PCDHGA3: variants seen among roughly 807,000 people sequenced by gnomAD.
PCDHGA3 encodes the protein protocadherin gamma subfamily A, 3.
Under a neutral mutation model 58.5 loss-of-function variants are expected in PCDHGA3, and 40 were observed. That is an observed-to-expected ratio of 0.68 (90% CI 0.53 to 0.89). The LOEUF is 0.89. PCDHGA3 is among the 40% of genes least tolerant of loss of function. PCDHGA3 has a pLI of 0.00. For synonymous variants in PCDHGA3, 530 were observed against 525.7 expected, an observed-to-expected ratio of 1.01 and a Z score of -0.11; for missense variants, 1,223 against 1,195.9, an observed-to-expected ratio of 1.02 and a Z score of -0.33.
intron 2 of PCDHGA3, among the ~76,000 whole-genome samples, chr5:141,503,203 A>G (rs10477147): frequency 0.037 from 5,590 of 152,130 alleles, 132 homozygotes; most frequent in South Asian, 0.073. Flanking sequence ...TCAGCCTCTC[A>G]GTGCCCACCA....
At chr5:141,424,357 G>A (rs1171882619) in intron 1 of PCDHGA3, 1 of 152,122 alleles carries the variant, frequency 6.6e-6, no homozygotes, top group Non-Finnish European at 1.5e-5. Context: ...ATAAAATTTA[G>A]ATCACATTTT....
intron 1 of PCDHGA3, chr5:141,424,187 A>C (rs2096804354): frequency 5.3e-6 from 1 of 188,948 alleles, no homozygotes; most frequent in African/African-American, 2.4e-5. Context: ...ACATGCACAC[A>C]CACTTATACA....
intron 1 of PCDHGA3, among the ~76,000 whole-genome samples, chr5:141,455,650 C>T (rs1176718096): frequency 2.6e-5 from 4 of 151,994 alleles, no homozygotes; most frequent in African/African-American, 9.7e-5. Flanking sequence ...AGCCATGTGG[C>T]CAGGAACTTG....
chr5:141,436,555 G>A (rs562422182), intron 1 of PCDHGA3, among the ~76,000 whole-genome samples: 1 of 152,252 alleles, frequency 6.6e-6, no homozygotes, highest in South Asian at 2.1e-4. Flanking sequence ...TTGAGCTTCA[G>A]CAAAGTAGGA....
chr5:141,478,415 C>G (rs182700706), intron 1 of PCDHGA3: 5 of 1,613,648 alleles, frequency 3.1e-6, no homozygotes, highest in Non-Finnish European at 4.2e-6. Context: ...CACGGACTCC[C>G]GCCGCAGCGA....
intron 1 of PCDHGA3, among the ~76,000 whole-genome samples, chr5:141,457,465 A>G (rs915755113): frequency 1.3e-5 from 2 of 152,194 alleles, no homozygotes; most frequent in African/African-American, 2.4e-5. Context: ...GATTCACAGG[A>G]ATAAGCAGGG....
chr5:141,431,320 C>T lies in PCDHGA3; in HGVS notation c.2425-63487C>T. On this transcript the variant is annotated intron_variant, in intron 1 of 3. Coordinates refer to ENST00000253812, the MANE Select transcript of PCDHGA3 (RefSeq NM_018916.4). The surrounding 1 kb of genome is among the most constrained non-coding windows in gnomAD (Gnocchi z 4.8). ...CCCTCATCGTGCAAAATGGAGCCGA[C>T]GGTAGTAAGTACCCCGAATTGGTGC... is the stretch of plus-strand genomic sequence containing the variant. 1 of 1,614,102 alleles carries T rather than the reference C, an allele frequency of 6.2e-7. No homozygotes were observed. Among genetic ancestry groups the T allele is most frequent in the Non-Finnish European group, 8.5e-7 (1 of 1,180,038 alleles).
chr5:141,507,206 G>A (rs1392293998), intron 3 of PCDHGA3: 2 of 152,376 alleles, frequency 1.3e-5, no homozygotes, highest in African/African-American at 4.8e-5. Flanking sequence ...CCAGATCAGG[G>A]TTGCCAGATA....
At chr5:141,413,020 C>T in intron 1 of PCDHGA3, 1 of 693,768 alleles carries the variant, frequency 1.4e-6, no homozygotes, top group Non-Finnish European at 2.3e-6. Context: ...CTACACAAGC[C>T]CCACAAACCG....
chr5:141,345,598 A>G lies in PCDHGA3; in HGVS notation c.1565A>G (p.Tyr522Cys), dbSNP rs1757606601. 2 of 1,614,168 alleles carry G rather than the reference A, an allele frequency of 1.2e-6. No individual in the cohort carries two copies. Among genetic ancestry groups the G allele is most frequent in the Non-Finnish European group, 1.7e-6 (2 of 1,180,030 alleles). ...CTATACGCGCTGAGATCCTTCGACT[A>G]CGAGCAATTTAGAGACTTAAAGCTA... Reference protein sequence around the residue: ...GVLYALRSFDYEQFRDLKLLV... With the variant: ...GVLYALRSFDCEQFRDLKLLV... The change falls in exon 1 of 4, where the codon TAC becomes TGC. Residue 522 changes from tyrosine to cysteine, a missense_variant. Around this residue, in one of 3 missense-constraint regions of PCDHGA3, gnomAD observed 791 missense variants for 708.5 expected, o/e 1.12. Transcript: ENST00000253812.
rs200356364 is a variant in PCDHGA3, at chr5:141,470,128, C to CA, written c.2425-24670dup. On this transcript the variant is annotated intron_variant, in intron 1 of 3. Transcript: ENST00000253812. ...TGAGCAACAGAGCAAGACTTCGTCT[C>CA]AAAAAAAAAGATCATAGATCATCTT... 4.0e-3 allele frequency among the ~76,000 whole-genome samples: 596 copies of CA among 150,150 alleles called. 6 individuals are homozygous for CA. The highest frequency in any genetic ancestry group is 0.011 in the Admixed American group (171 of 15,136).
chr5:141,393,805 C>T (rs1266380650), intron 1 of PCDHGA3: 3 of 1,613,914 alleles, frequency 1.9e-6, no homozygotes, highest in South Asian at 1.1e-5. Flanking sequence ...CTGGGGAGGA[C>T]CAAATTGCTC....
chr5:141,478,109 T>C, intron 1 of PCDHGA3: 1 of 1,614,086 alleles, frequency 6.2e-7, no homozygotes, highest in Non-Finnish European at 8.5e-7. Context: ...CCTCACTGTG[T>C]CAGTAACCGA....
At position 141,346,259 on chromosome 5, in the gene PCDHGA3, C is replaced by T. The variant is rs764310422; in HGVS notation, c.2226C>T (p.Gly742=). 2 of 1,614,078 alleles carry T rather than the reference C, an allele frequency of 1.2e-6. No individual in the cohort carries two copies. Among genetic ancestry groups the T allele is most frequent in the Admixed American group, 1.7e-5 (1 of 59,996 alleles). The part of the protein sequence containing the change: ...LASTPGSHFV[G]ADGVRAFLQT... ...GTACGCCCGGCTCGCACTTTGTGGG[C>T]GCGGACGGGGTTCGGGCTTTCCTGC... The change falls in exon 1 of 4, where the codon GGC becomes GGT. Residue 742 remains glycine (G), a synonymous_variant. Coordinates refer to ENST00000253812, the MANE Select transcript of PCDHGA3 (RefSeq NM_018916.4).
At chr5:141,435,503 A>G (rs2097767522) in intron 1 of PCDHGA3, among the ~76,000 whole-genome samples, 1 of 152,170 alleles carries the variant, frequency 6.6e-6, no homozygotes, top group Non-Finnish European at 1.5e-5. Context: ...TACACTAATG[A>G]TACTAATGAT....
chr5:141,399,925 C>A (rs779347793), intron 1 of PCDHGA3: 3 of 1,612,364 alleles, frequency 1.9e-6, no homozygotes, highest in South Asian at 1.1e-5. Flanking sequence ...CAACGCCTGG[C>A]TGTCCTACCA....
intron 1 of PCDHGA3, chr5:141,398,960 C>A (rs779158655): frequency 3.1e-6 from 5 of 1,613,986 alleles, no homozygotes. Flanking sequence ...TCAGAAATTA[C>A]TTATTCCTTC....
intron 1 of PCDHGA3, among the ~76,000 whole-genome samples, chr5:141,444,058 C>A (rs2154560450): frequency 6.8e-6 from 1 of 147,774 alleles, no homozygotes; most frequent in East Asian, 2.0e-4. Context: ...CATCTTCAAT[C>A]TAGATTCTGA....
intron 1 of PCDHGA3, chr5:141,403,037 A>G (rs1561685258): frequency 9.3e-6 from 15 of 1,613,972 alleles, no homozygotes; most frequent in South Asian, 5.5e-5. Flanking sequence ...GGCCAGGGCC[A>G]GTCAGATTCG....
Sources: gnomAD v4.1 joint callset for allele counts (sites outside exome capture counted in the v4.1 genomes callset) on GRCh38, gnomAD v4.1.1 for gene constraint, gnomAD v4.1.1 regional missense constraint, Gnocchi (gnomAD v3.1) non-coding constraint, MANE v1.5 for transcripts, NCBI Gene and HGNC (gene_info 2026-07-23, HGNC 2026-07-21) for gene names.